The following TAF3 variants were observed in gnomAD, a reference collection of about 807,000 sequenced individuals.
TAF3 encodes TATA-box binding protein associated factor 3, also known as transcription initiation factor TFIID subunit 3.
Under a neutral mutation model 80.6 loss-of-function variants are expected in TAF3, and 7 were observed. That is an observed-to-expected ratio of 0.09 (90% CI 0.05 to 0.16). TAF3 has a LOEUF of 0.16. TAF3 is among the 10% of genes least tolerant of loss of function. TAF3 has a pLI of 1.00. For synonymous variants in TAF3, 444 were observed against 446.1 expected, an observed-to-expected ratio of 1.00 and a Z score of 0.06; for missense variants, 921 against 1,140.2, an observed-to-expected ratio of 0.81 and a Z score of 2.77.
chr10:7,839,652 T>TTA (rs1836890333), intron 2 of TAF3, among the ~76,000 whole-genome samples: 1 of 152,208 alleles, frequency 6.6e-6, no homozygotes, highest in Non-Finnish European at 1.5e-5. Context: ...GGCTCTTCGT[T>TTA]TGTTTCTTTT....
At chr10:7,838,010 A>G (rs1836869668) in intron 2 of TAF3, among the ~76,000 whole-genome samples, 1 of 152,258 alleles carries the variant, frequency 6.6e-6, no homozygotes, top group African/African-American at 2.4e-5. Context: ...TAATATATTC[A>G]TAAACATTAT....
intron 2 of TAF3, among the ~76,000 whole-genome samples, chr10:7,939,416 A>T (rs544521330): frequency 2.0e-5 from 3 of 152,178 alleles, no homozygotes; most frequent in Non-Finnish European, 4.4e-5. Flanking sequence ...TTATCTTACA[A>T]TGTAGCCCGC....
intron 4 of TAF3, among the ~76,000 whole-genome samples, chr10:7,980,471 C>A (rs1383414816): frequency 6.6e-6 from 1 of 152,142 alleles, no homozygotes; most frequent in Non-Finnish European, 1.5e-5. Context: ...CTAAAGGAGT[C>A]AATGGTGAGT....
rs143020665 is a variant in TAF3 at position 7,980,278 on chromosome 10, T to C, written c.2315+2955T>C. On this transcript the variant is annotated intron_variant, in intron 4 of 6. Transcript: ENST00000344293. ...ACAGGGTTCAAATTATACCTTCTAG[T>C]TGGAAGATCTTTAAGACAGTATTTA... Among the ~76,000 whole-genome samples the C allele has an allele frequency of 3.2e-3, 489 of 152,332 alleles. 4 individuals carry two copies. Among genetic ancestry groups the C allele is most frequent in the African/African-American group, 0.011 (463 of 41,564 alleles).
intron 2 of TAF3, among the ~76,000 whole-genome samples, chr10:7,866,008 A>T (rs867423331): frequency 2.0e-5 from 3 of 152,180 alleles, no homozygotes; most frequent in Non-Finnish European, 4.4e-5. Context: ...ACCCAATAGC[A>T]TATCCTGTAG....
At chr10:7,975,070 CAAAAA>C (rs35755700) in intron 3 of TAF3, 129 of 175,750 alleles carry the variant, frequency 7.3e-4, no homozygotes, top group South Asian at 1.8e-3. Flanking sequence ...GACTCTGTCT[CAAAAA>C]AAAAAAAAAA....
chr10:7,845,744 G>A (rs567526410), intron 2 of TAF3, among the ~76,000 whole-genome samples: 7 of 152,142 alleles, frequency 4.6e-5, no homozygotes, highest in Non-Finnish European at 7.4e-5. Flanking sequence ...TCAATTGGCC[G>A]TGTGAGAGGC....
intron 2 of TAF3, among the ~76,000 whole-genome samples, chr10:7,828,681 C>G (rs1432044844): frequency 6.7e-6 from 1 of 150,072 alleles, no homozygotes; most frequent in Non-Finnish European, 1.5e-5. Context: ...GTCTCTAGAT[C>G]ACTGGTCAAT....
In TAF3 at chr10:8,009,016, G is replaced by A. The variant is rs900024772; in HGVS notation, c.2316-62G>A. 5.2e-6 allele frequency: 8 copies of A among 1,548,326 alleles called. No individual in the cohort carries two copies. The highest frequency in any genetic ancestry group is 4.1e-5 in the African/African-American group (3 of 72,636). The stretch of plus-strand genomic sequence containing the variant: ...AGCTATTTTACGATCATGTTTTTAA[G>A]CACGGGTTTGGTTCGATGATGATCC... On this transcript the variant is annotated intron_variant, in intron 4 of 6. Coordinates refer to ENST00000344293, the MANE Select transcript of TAF3 (RefSeq NM_031923.4). This position sits in a 1 kb window ranked among gnomAD's most constrained non-coding sequence, Gnocchi z 4.1.
chr10:7,858,147 T>G (rs1296047685), intron 2 of TAF3, among the ~76,000 whole-genome samples: 1 of 152,170 alleles, frequency 6.6e-6, no homozygotes, highest in African/African-American at 2.4e-5. Context: ...AACTATGGGA[T>G]GTAGTTCAAA....
intron 2 of TAF3, among the ~76,000 whole-genome samples, chr10:7,953,784 GA>G (rs1838106874): frequency 6.6e-6 from 1 of 152,228 alleles, no homozygotes; most frequent in African/African-American, 2.4e-5. Context: ...ATAGGCAAAT[GA>G]ATGAATTAGT....
At chr10:7,948,065 AT>A (rs148895542) in intron 2 of TAF3, among the ~76,000 whole-genome samples, 7,704 of 143,042 alleles carry the variant, frequency 0.054, 232 homozygotes, top group East Asian at 0.14. Context: ...TATGACTCTG[AT>A]TTTTTTTTTT....
chr10:7,891,425 T>C (rs936480729), intron 2 of TAF3, among the ~76,000 whole-genome samples: 5 of 152,216 alleles, frequency 3.3e-5, no homozygotes, highest in African/African-American at 1.2e-4. Flanking sequence ...AAAAGGTAGT[T>C]ATTTTTAAAT....
intron 2 of TAF3, among the ~76,000 whole-genome samples, chr10:7,944,970 A>G (rs1288084221): frequency 2.0e-5 from 3 of 152,250 alleles, no homozygotes; most frequent in Non-Finnish European, 4.4e-5. Flanking sequence ...TTAAAGGTAT[A>G]TATATTAGTC....
At chr10:7,954,476 C>G (rs943248741) in intron 2 of TAF3, among the ~76,000 whole-genome samples, 4 of 133,254 alleles carry the variant, frequency 3.0e-5, no homozygotes, top group Admixed American at 2.3e-4. Context: ...TGAATTAGTC[C>G]CAGTTAACAC....
intron 2 of TAF3, among the ~76,000 whole-genome samples, chr10:7,937,193 A>G (rs1837929596): frequency 6.6e-6 from 1 of 152,156 alleles, no homozygotes; most frequent in Non-Finnish European, 1.5e-5. Context: ...CATTTGGGTA[A>G]ATGCCAGGGA....
At chr10:7,840,948 C>A (rs1836906709) in intron 2 of TAF3, among the ~76,000 whole-genome samples, 1 of 151,986 alleles carries the variant, frequency 6.6e-6, no homozygotes, top group African/African-American at 2.4e-5. Flanking sequence ...CTCCCAGGTT[C>A]AAGCTATTCT....
chr10:7,858,104 C>G (rs945427221), intron 2 of TAF3, among the ~76,000 whole-genome samples: 1 of 152,036 alleles, frequency 6.6e-6, no homozygotes, highest in Non-Finnish European at 1.5e-5. Flanking sequence ...GACATGAAAT[C>G]ATATTGCTTC....
intron 2 of TAF3, among the ~76,000 whole-genome samples, chr10:7,852,422 G>A (rs937882301): frequency 1.8e-4 from 27 of 152,032 alleles, no homozygotes; most frequent in African/African-American, 6.5e-4. Context: ...CTCATTCTCT[G>A]TCTCTTTCCC....
Sources: gnomAD v4.1 joint callset for allele counts (sites outside exome capture counted in the v4.1 genomes callset) on GRCh38, gnomAD v4.1.1 for gene constraint, Gnocchi (gnomAD v3.1) non-coding constraint, MANE v1.5 for transcripts, NCBI Gene and HGNC (gene_info 2026-07-23, HGNC 2026-07-21) for gene names.